Variants in PRKCZ observed in about 807,000 individuals in gnomAD.
The protein encoded by PRKCZ is protein kinase C zeta type.
Under a neutral mutation model 79.5 loss-of-function variants are expected in PRKCZ, and 33 were observed. The observed-to-expected ratio is 0.41, with a 90% CI of 0.31 to 0.55. PRKCZ has a LOEUF of 0.55. Ranked by LOEUF, PRKCZ falls within the 20% of genes least tolerant of loss-of-function variation. The probability of loss-of-function intolerance (pLI) is 0.19; values close to 1 mark genes in which losing one functional copy is unlikely to be tolerated. For missense variants in PRKCZ, 578 were observed against 813.5 expected (o/e 0.71, Z 3.52); for synonymous variants, 342 against 320.9 (o/e 1.07, Z -0.70).
rs1477065775 is a variant in PRKCZ, at chr1:2,125,689, GTC to G, written c.335-9571_335-9570del. On this transcript the variant is annotated intron_variant, in intron 4 of 17. Coordinates refer to ENST00000378567, the MANE Select transcript of PRKCZ (RefSeq NM_002744.6). This position sits in a 1 kb window ranked among gnomAD's most constrained non-coding sequence, Gnocchi z 4.2. ...TCCATCCGCATTCCATGGCAGGTGA[GTC>G]TGATTATTCGAAGGAGGCTGGAGTG... Among the ~76,000 whole-genome samples, 3 of 152,242 alleles carry G rather than the reference GTC, an allele frequency of 2.0e-5. No individual in the cohort carries two copies. The highest frequency in any genetic ancestry group is 7.2e-5 in the African/African-American group (3 of 41,466).
rs1461636869 is a variant in PRKCZ at position 2,127,625 on chromosome 1, G to A, written c.335-7637G>A. Among the ~76,000 whole-genome samples the A allele has an allele frequency of 1.3e-5, 2 of 152,242 alleles. No individual in the cohort carries two copies. Among genetic ancestry groups the A allele is most frequent in the African/African-American group, 4.8e-5 (2 of 41,466 alleles). ...GAGCGTTCTGGCCTGAAATGCAGTG[G>A]GAGCTCTGGTGCAGGTGTAGCCGAG... On this transcript the variant is annotated intron_variant, in intron 4 of 17. Coordinates refer to ENST00000378567, the MANE Select transcript of PRKCZ (RefSeq NM_002744.6). This position sits in a 1 kb window ranked among gnomAD's most constrained non-coding sequence, Gnocchi z 5.1.
At chr1:2,151,145 G>C (rs1308209857) in intron 9 of PRKCZ, among the ~76,000 whole-genome samples, 167 bp downstream of exon 9, 8 of 152,234 alleles carry the variant, frequency 5.3e-5, no homozygotes. Flanking sequence ...ATGTGTTCTG[G>C]AAAGTGCCTG....
At chr1:2,159,049 C>T (rs1385649058) in intron 10 of PRKCZ, among the ~76,000 whole-genome samples, 1 of 152,154 alleles carries the variant, frequency 6.6e-6, no homozygotes, top group South Asian at 2.1e-4. Context: ...CCTCAGCCTC[C>T]TGAGTAGCTG....
rs977881133 is a variant in PRKCZ at position 2,166,213 on chromosome 1, G to T, written c.975-3305G>T. 2.1e-4 allele frequency among the ~76,000 whole-genome samples: 32 copies of T among 152,222 alleles called. 1 individual carries two copies. The highest frequency in any genetic ancestry group is 1.1e-3 in the Admixed American group (17 of 15,282). ...GCCGGAGGATCACTTGAGGCCAGGG[G>T]TTCAAGACCAGCCTGGGAAATATCT... On this transcript the variant is annotated intron_variant, in intron 10 of 17. Transcript: ENST00000378567.
At chr1:2,052,761 G>C (rs538693947) in intron 1 of PRKCZ, among the ~76,000 whole-genome samples, 53 of 152,292 alleles carry the variant, frequency 3.5e-4, no homozygotes, top group African/African-American at 1.2e-3. Context: ...TGAGTACTGG[G>C]TTATTGAAAG....
chr1:2,064,136 C>T (rs1413132035), intron 4 of PRKCZ, among the ~76,000 whole-genome samples: 3 of 152,226 alleles, frequency 2.0e-5, no homozygotes, highest in East Asian at 1.9e-4. Context: ...CGTGAGCTGC[C>T]GTGCCCGGCT....
chr1:2,169,627 G>T (rs374560522), intron 11 of PRKCZ, 23 bp downstream of exon 11: 1 of 1,470,164 alleles, frequency 6.8e-7, no homozygotes, highest in Non-Finnish European at 9.1e-7. Flanking sequence ...GGACGGGGCC[G>T]GGTGGGTGCG....
intron 4 of PRKCZ, chr1:2,073,784 G>C: frequency 2.9e-6 from 3 of 1,017,492 alleles, no homozygotes; most frequent in Non-Finnish European, 2.4e-6. Flanking sequence ...TCTGCTCCTC[G>C]CGCTCGAGCC....
intron 6 of PRKCZ, 192 bp downstream of exon 6, chr1:2,144,533 GC>G: frequency 1.4e-6 from 2 of 1,417,722 alleles, no homozygotes; most frequent in Non-Finnish European, 1.8e-6. Context: ...GCCCCCACAA[GC>G]CCCCGGCACA....
chr1:2,129,642 AG>A (rs148019107), intron 4 of PRKCZ, among the ~76,000 whole-genome samples: 20 of 152,234 alleles, frequency 1.3e-4, no homozygotes, highest in Admixed American at 6.5e-4. Context: ...GGAGCCAGGC[AG>A]GGGGGGTCTC....
At chr1:2,106,428 ACACG>A (rs1557573741) in intron 4 of PRKCZ, among the ~76,000 whole-genome samples, 6 of 151,476 alleles carry the variant, frequency 4.0e-5, no homozygotes, top group East Asian at 3.9e-4. Flanking sequence ...GAGGACCTCC[ACACG>A]TGTCGCCAGG....
chr1:2,172,756 G>A lies in PRKCZ; in HGVS notation c.1285+368G>A, dbSNP rs1684676444. On this transcript the variant is annotated intron_variant, in intron 13 of 17. Coordinates refer to ENST00000378567, the MANE Select transcript of PRKCZ (RefSeq NM_002744.6). This position sits in a 1 kb window ranked among gnomAD's most constrained non-coding sequence, Gnocchi z 7.8. ...CTGGGGAGCCCCAGGGGGTGCAGGAGCGTGTGGACAGGACCCCACAGGCCC... is the reference window on the plus strand; with the variant it reads ...CTGGGGAGCCCCAGGGGGTGCAGGAACGTGTGGACAGGACCCCACAGGCCC... Among the ~76,000 whole-genome samples the A allele has an allele frequency of 6.6e-6, 1 of 152,250 alleles. No individual in the cohort carries two copies. The highest frequency in any genetic ancestry group is 2.1e-4 in the South Asian group (1 of 4,836).
intron 4 of PRKCZ, among the ~76,000 whole-genome samples, chr1:2,097,340 C>A (rs950376957): frequency 3.3e-5 from 5 of 152,106 alleles, no homozygotes; most frequent in Non-Finnish European, 5.9e-5. Flanking sequence ...CCTTTCTGGG[C>A]CCCTCTCAGG....
chr1:2,082,355 G>C lies in PRKCZ; in HGVS notation c.334+22764G>C, dbSNP rs1663704220. 1 of 455,708 alleles carries C rather than the reference G, an allele frequency of 2.2e-6. No homozygotes were observed. The highest frequency in any genetic ancestry group is 2.4e-5 in the Admixed American group (1 of 42,444). 28.2% of individuals were successfully genotyped at this position (455,708 alleles called of 1,614,324 possible). ...GCAAATCACCTCTTTCAAGTTGCCGGCTACCCGGCTGCCGTAGACAGAGTG... is the reference window on the plus strand; with the variant it reads ...GCAAATCACCTCTTTCAAGTTGCCGCCTACCCGGCTGCCGTAGACAGAGTG... On this transcript the variant is annotated intron_variant, in intron 4 of 17. Transcript: ENST00000378567. This position sits in a 1 kb window ranked among gnomAD's most constrained non-coding sequence, Gnocchi z 4.4.
At chr1:2,144,705 C>T (rs940344561) in intron 6 of PRKCZ, 21 of 936,888 alleles carry the variant, frequency 2.2e-5, no homozygotes, top group Admixed American at 5.4e-5. Flanking sequence ...GCATTGGGCA[C>T]GCTGAGGCTC....
chr1:2,081,633 G>A (rs1373618884), intron 4 of PRKCZ, among the ~76,000 whole-genome samples: 4 of 152,170 alleles, frequency 2.6e-5, no homozygotes, highest in South Asian at 2.1e-4. Context: ...CACTGTGCCC[G>A]GACTTGGTGG....
chr1:2,113,209 G>C (rs1376480223), intron 4 of PRKCZ, among the ~76,000 whole-genome samples: 1 of 152,230 alleles, frequency 6.6e-6, no homozygotes. Context: ...CTCGATTCAT[G>C]AGTATGTTTT....
intron 4 of PRKCZ, among the ~76,000 whole-genome samples, chr1:2,072,405 G>A (rs1661679412): frequency 6.6e-6 from 1 of 152,272 alleles, no homozygotes; most frequent in African/African-American, 2.4e-5. Context: ...CAGCTTCTGA[G>A]AGGAGACCTC....
intron 4 of PRKCZ, among the ~76,000 whole-genome samples, chr1:2,120,115 C>T (rs1340268589): frequency 6.6e-6 from 1 of 152,052 alleles, no homozygotes; most frequent in Admixed American, 6.6e-5. Context: ...CTCACTGCCA[C>T]CCCTGGAAGG....
Sources: gnomAD v4.1 joint callset for allele counts (sites outside exome capture counted in the v4.1 genomes callset) on GRCh38, gnomAD v4.1.1 for gene constraint, Gnocchi (gnomAD v3.1) non-coding constraint, MANE v1.5 for transcripts, NCBI Gene and HGNC (gene_info 2026-07-23, HGNC 2026-07-21) for gene names.